Variants in PADI4 observed in about 807,000 individuals in gnomAD.
PADI4 encodes the protein peptidyl arginine deiminase 4.
A neutral mutation model predicts 75.0 loss-of-function variants in PADI4; 62 were observed. The ratio of observed to expected loss-of-function variants is 0.83; its 90% CI spans 0.67 to 1.02. The LOEUF is 1.02. Ranked by LOEUF, PADI4 falls within the 50% of genes least tolerant of loss-of-function variation. The pLI, the probability that PADI4 is intolerant of heterozygous loss-of-function variation, is 0.00. For missense variants in PADI4, 845 were observed against 850.5 expected (o/e 0.99, Z 0.08); for synonymous variants, 361 against 348.1 (o/e 1.04, Z -0.41).
chr1:17,318,368 T>C (rs2073976498), intron 1 of PADI4, among the ~76,000 whole-genome samples: 1 of 152,124 alleles, frequency 6.6e-6, no homozygotes, highest in South Asian at 2.1e-4. Context: ...GGCTCACTCA[T>C]AGGATGATTG....
At position 17,359,315 on chromosome 1, in the gene PADI4, G is replaced by A. The variant is rs750275776; in HGVS notation, c.1665G>A (p.Arg555=). The change falls in exon 15 of 16, where the codon CGG becomes CGA. Residue 555 remains arginine (R), a synonymous_variant. Coordinates refer to ENST00000375448, the MANE Select transcript of PADI4 (RefSeq NM_012387.3). ...CIDWNRELLK[R]ELGLAESDII... is the part of the protein sequence containing the mutation. ...ACTGGAACCGCGAGCTGCTGAAGCGGGAGCTGGGCCTGGCCGAGAGTGACA... is the reference window on the plus strand; with the variant it reads ...ACTGGAACCGCGAGCTGCTGAAGCGAGAGCTGGGCCTGGCCGAGAGTGACA... The A allele has an allele frequency of 3.1e-6, 5 of 1,613,752 alleles. No homozygotes were observed. The South Asian group carries it at 5.5e-5, about 18-fold the overall frequency.
At chr1:17,314,488 C>G (rs2073898705) in intron 1 of PADI4, among the ~76,000 whole-genome samples, 1 of 152,172 alleles carries the variant, frequency 6.6e-6, no homozygotes, top group African/African-American at 2.4e-5. Flanking sequence ...GGGAACTGCC[C>G]CCTGGGCTGA....
At position 17,324,237 on chromosome 1, in the gene PADI4, G is replaced by A. The variant is rs144669060; in HGVS notation, c.93-6732G>A. Among the ~76,000 whole-genome samples the A allele has an allele frequency of 5.7e-3, 825 of 143,612 alleles. 10 individuals carry two copies. Among genetic ancestry groups the A allele is most frequent in the African/African-American group, 0.02 (789 of 38,876 alleles). The allele number at this position is 143,612 out of a possible 152,430, so 94.2% of individuals were successfully genotyped here. ...TTTCTGTTGAATCGTGTCATTTATA[G>A]TGTTATTTTTCACCAATTGAGTGGG... On this transcript the variant is annotated intron_variant, in intron 1 of 15. Coordinates refer to ENST00000375448, the MANE Select transcript of PADI4 (RefSeq NM_012387.3).
At chr1:17,323,074 A>G (rs913094811) in intron 1 of PADI4, among the ~76,000 whole-genome samples, 1 of 152,202 alleles carries the variant, frequency 6.6e-6, no homozygotes, top group African/African-American at 2.4e-5. Context: ...GGAAGGTGAC[A>G]CTTCCAAGCC....
At chr1:17,353,706 A>T (rs2074709102) in intron 10 of PADI4, among the ~76,000 whole-genome samples, 2 of 152,104 alleles carry the variant, frequency 1.3e-5, no homozygotes, top group African/African-American at 4.8e-5. Context: ...GGATCTTGTG[A>T]TGGGGTGATT....
chr1:17,359,234 C>CCCCCCCCCACCA, intron 14 of PADI4, 46 bp from the exon 15 acceptor site: 2 of 888,912 alleles, frequency 2.2e-6, no homozygotes, highest in South Asian at 1.5e-5. Flanking sequence ...CCCCCACCCC[C>CCCCCCCCCACCA]GACTGCCATC....
intron 3 of PADI4, 64 bp downstream of exon 3, chr1:17,334,073 G>A (rs2074265127): frequency 3.9e-6 from 4 of 1,029,630 alleles, no homozygotes; most frequent in African/African-American, 3.1e-5. Flanking sequence ...ATCCCTGCAG[G>A]ATGTCTCTGT....
intron 1 of PADI4, among the ~76,000 whole-genome samples, chr1:17,319,387 A>G (rs2073996222): frequency 6.6e-6 from 1 of 151,770 alleles, no homozygotes; most frequent in South Asian, 2.1e-4. Flanking sequence ...AGATAAGGAG[A>G]CTCCATCTCT....
At chr1:17,357,886 G>A (rs537038384) in intron 13 of PADI4, among the ~76,000 whole-genome samples, 26 of 149,350 alleles carry the variant, frequency 1.7e-4, no homozygotes, top group African/African-American at 6.2e-4. Context: ...AGCCAAGAAT[G>A]TGCCACTGCA....
intron 15 of PADI4, 29 bp from the exon 16 acceptor site, chr1:17,363,493 C>A: frequency 6.5e-7 from 1 of 1,535,138 alleles, no homozygotes; most frequent in Non-Finnish European, 9.0e-7. Flanking sequence ...CCGCTGCTGC[C>A]TGTGACCTGA....
chr1:17,351,991 CAGTCAGGGAGGTGATGGGAGGAGA>C (rs2074646528), intron 10 of PADI4, among the ~76,000 whole-genome samples: 1 of 20,622 alleles, frequency 4.8e-5, no homozygotes, highest in Non-Finnish European at 8.3e-5. Flanking sequence ...GGAGGAGAGG[CAGTCAGGGAGGTGATGGGAGGAGA>C]GGCGGCCAGG....
intron 6 of PADI4, 55 bp downstream of exon 6, chr1:17,339,868 T>A: frequency 6.5e-7 from 1 of 1,533,938 alleles, no homozygotes; most frequent in Non-Finnish European, 8.8e-7. Context: ...GGCACAATCC[T>A]GTCACACAGC....
intron 10 of PADI4, among the ~76,000 whole-genome samples, chr1:17,351,201 GAAAAAAAAA>G (rs61284318): frequency 2.6e-5 from 2 of 76,806 alleles, no homozygotes; most frequent in African/African-American, 4.6e-5. Flanking sequence ...TGTCCCAGAG[GAAAAAAAAA>G]AAAAAAAAAA....
At chr1:17,337,902 A>G in intron 4 of PADI4, 136 bp from the exon 5 acceptor site, 1 of 349,770 alleles carries the variant, frequency 2.9e-6, no homozygotes, top group African/African-American at 2.1e-5. Context: ...CAGCAGAGGG[A>G]GACTCCGTCT....
At chr1:17,311,203 C>T (rs1442041544) in intron 1 of PADI4, among the ~76,000 whole-genome samples, 3 of 151,792 alleles carry the variant, frequency 2.0e-5, no homozygotes, top group Non-Finnish European at 4.4e-5. Flanking sequence ...GTGGAGGTTG[C>T]AGTGAGGCAA....
In PADI4 at chr1:17,339,733, A is replaced by G. The variant is rs776602105; in HGVS notation, c.572A>G (p.Lys191Arg). 1.2e-6 allele frequency: 2 copies of G among 1,614,006 alleles called. No homozygotes were observed. Among genetic ancestry groups the G allele is most frequent in the East Asian group, 2.2e-5 (1 of 44,870 alleles). The change falls in exon 6 of 16, where the codon AAG (lysine) becomes AGG (arginine). Residue 191 changes from lysine (K) to arginine (R), a missense_variant. Lys to Arg is a conservative substitution (Grantham distance 26, BLOSUM62 2). Coordinates refer to ENST00000375448, the MANE Select transcript of PADI4 (RefSeq NM_012387.3). ...SLMTLSTKTP[K>R]DFFTNHTLVL... ...ATGACCCTGAGCACGAAGACCCCCA[A>G]GGACTTCTTCACAAACCATACACTG...
At position 17,356,843 on chromosome 1, in the gene PADI4, G is replaced by A. The variant is rs1000726297; in HGVS notation, c.1558+384G>A. Among the ~76,000 whole-genome samples the A allele has an allele frequency of 1.3e-5, 2 of 152,026 alleles. No homozygotes were observed. Among genetic ancestry groups the A allele is most frequent in the South Asian group, 2.1e-4 (1 of 4,820 alleles). ...ACAGGCAGAGGGACGGGGGTGGGGC[G>A]GCTCAGAGGCAGGAGAAAGCACGAT... is the stretch of plus-strand genomic sequence containing the variant. On this transcript the variant is annotated intron_variant, in intron 13 of 15. Coordinates refer to ENST00000375448, the MANE Select transcript of PADI4 (RefSeq NM_012387.3). The surrounding 1 kb of genome is among the most constrained non-coding windows in gnomAD (Gnocchi z 4.1).
chr1:17,344,918 G>A (rs1570061327), intron 8 of PADI4, among the ~76,000 whole-genome samples: 1 of 152,244 alleles, frequency 6.6e-6, no homozygotes, highest in Non-Finnish European at 1.5e-5. Flanking sequence ...ACGTAGTGGA[G>A]TTGTGAGAAG....
At chr1:17,357,706 G>A (rs1570097980) in intron 13 of PADI4, among the ~76,000 whole-genome samples, 1 of 152,134 alleles carries the variant, frequency 6.6e-6, no homozygotes, top group Non-Finnish European at 1.5e-5. Flanking sequence ...GACGAGGCGG[G>A]TGGATCACGA....
Sources: allele counts gnomAD v4.1 joint callset (sites outside exome capture counted in the v4.1 genomes callset), GRCh38; gene constraint gnomAD v4.1.1; non-coding constraint Gnocchi (gnomAD v3.1); transcripts MANE v1.5; gene names NCBI Gene and HGNC (gene_info 2026-07-23, HGNC 2026-07-21).